Variants in PARPBP observed in about 807,000 individuals in gnomAD.
The protein encoded by PARPBP is PCNA-interacting partner.
In PARPBP, 52 loss-of-function variants were observed where a neutral mutation model predicts 50.0. The ratio of observed to expected loss-of-function variants is 1.04; its 90% CI spans 0.83 to 1.31. PARPBP has a LOEUF of 1.31. PARPBP is among the 50% of genes most tolerant of loss of function. PARPBP has a pLI of 0.00. For missense variants in PARPBP, 697 were observed against 672.0 expected (o/e 1.04, Z -0.41); for synonymous variants, 244 against 232.1 (o/e 1.05, Z -0.47).
chr12:102,178,650 C>T lies in PARPBP; in HGVS notation c.1064C>T (p.Ala355Val). The stretch of plus-strand genomic sequence containing the variant: ...TACTGTGGCAGAGATACTGTGAAAG[C>T]CTTATTAGTTCTTTTGGACGAAGAA... ...TAYCGRDTVK[A>V]LLVLLDEEAA... The change falls in exon 8 of 11, where the codon GCC becomes GTC. Residue 355 changes from alanine to valine, a missense_variant. Physicochemically the swap from Ala to Val is moderately conservative, Grantham distance 64 (BLOSUM62 0). Transcript: ENST00000327680. 6.2e-7 allele frequency: 1 copy of T among 1,613,436 alleles called. No homozygotes were observed. Among genetic ancestry groups the T allele is most frequent in the Non-Finnish European group, 8.5e-7 (1 of 1,179,590 alleles).
Position 102,123,955 on chromosome 12 carries a change from C to T in PARPBP, c.67C>T (p.Leu23Phe). 1.3e-6 allele frequency: 2 copies of T among 1,534,632 alleles called. No individual in the cohort carries two copies. Among genetic ancestry groups the T allele is most frequent in the Non-Finnish European group, 1.7e-6 (2 of 1,145,610 alleles). The stretch of plus-strand genomic sequence containing the variant: ...AGAGTTTCGAAAAAATTGGCGTGCT[C>T]TTTGTAACTCTGAGAGAACTACTCT... The part of the protein sequence containing the change: ...IKEFRKNWRA[L>F]CNSERTTLCG... Residue 23 changes from leucine (L) to phenylalanine (F), a missense_variant, in exon 2 of 11, where the codon CTT (leucine) becomes TTT (phenylalanine). By Grantham distance (22) the Leu-to-Phe change is conservative. Transcript: ENST00000327680.
At chr12:102,161,860 A>G (rs938671092) in intron 4 of PARPBP, among the ~76,000 whole-genome samples, 2 of 152,214 alleles carry the variant, frequency 1.3e-5, no homozygotes, top group Non-Finnish European at 2.9e-5. Flanking sequence ...TCTACTTTAG[A>G]CTGGGGAATC....
At chr12:102,129,855 C>A (rs1243190525) in intron 2 of PARPBP, among the ~76,000 whole-genome samples, 1 of 152,172 alleles carries the variant, frequency 6.6e-6, no homozygotes, top group Non-Finnish European at 1.5e-5. Flanking sequence ...TCCTGTCAAA[C>A]TTCCAGTGAC....
chr12:102,171,467 T>C (rs1474380347), intron 6 of PARPBP, among the ~76,000 whole-genome samples: 1 of 152,152 alleles, frequency 6.6e-6, no homozygotes, highest in African/African-American at 2.4e-5. Flanking sequence ...AATGTTATTA[T>C]ACAGCACATA....
chr12:102,142,253 T>C (rs921336622), intron 2 of PARPBP, among the ~76,000 whole-genome samples: 5 of 152,182 alleles, frequency 3.3e-5, no homozygotes, highest in African/African-American at 1.2e-4. Context: ...CAATCACTGA[T>C]ACCCTTTCTT....
intron 3 of PARPBP, chr12:102,149,117 A>C (rs563905990): frequency 8.9e-4 from 135 of 152,312 alleles, no homozygotes; most frequent in African/African-American, 3.1e-3. Flanking sequence ...ACATTTACTG[A>C]GTGCCAATAA....
At chr12:102,157,392 G>A (rs1051249155) in intron 4 of PARPBP, among the ~76,000 whole-genome samples, 1 of 151,054 alleles carries the variant, frequency 6.6e-6, no homozygotes, top group Non-Finnish European at 1.5e-5. Context: ...TTCTCCATTT[G>A]TCCCCAAAAT....
Position 102,158,120 on chromosome 12 carries a change from C to CAA in PARPBP, c.495+4166_495+4167dup, listed in dbSNP as rs55962862. ...TGGGAGGGAGTGCGAGACTCCATCT[C>CAA]AAAAAAAAAAAAAAAAAAAAAAAGA... On this transcript the variant is annotated intron_variant, in intron 4 of 10. Coordinates refer to ENST00000327680, the MANE Select transcript of PARPBP (RefSeq NM_017915.5). Among the ~76,000 whole-genome samples, 342 of 47,010 alleles carry CAA rather than the reference C, an allele frequency of 7.3e-3. 5 individuals carry two copies. The highest frequency in any genetic ancestry group is 0.015 in the African/African-American group (174 of 11,628). 30.8% of individuals were successfully genotyped at this position (47,010 alleles called of 152,430 possible).
rs1189594958 is a variant in PARPBP at position 102,197,279 on chromosome 12, T to C, written c.*988T>C. 2 of 1,003,348 alleles carry C rather than the reference T, an allele frequency of 2.0e-6. No homozygotes were observed. Among genetic ancestry groups the C allele is most frequent in the African/African-American group, 3.3e-5 (2 of 61,012 alleles). The allele number at this position is 1,003,348 out of a possible 1,614,324, so 62.2% of individuals were successfully genotyped here. A position where few individuals can be genotyped will look rare whatever the true frequency, so the allele number is the denominator to read the frequency against. ...CAATTCAAAGTTACTCTGCACTGTT[T>C]TTGACTTTTTAAAAATACCTTAGAT... On this transcript the variant is annotated 3_prime_UTR_variant, in exon 11 of 11. Coordinates refer to ENST00000327680, the MANE Select transcript of PARPBP (RefSeq NM_017915.5).
intron 6 of PARPBP, among the ~76,000 whole-genome samples, chr12:102,173,329 AT>A (rs1465465869): frequency 6.6e-6 from 1 of 152,250 alleles, no homozygotes; most frequent in Non-Finnish European, 1.5e-5. Flanking sequence ...CTGCTTAAGA[AT>A]AAGACAAGAG....
intron 3 of PARPBP, among the ~76,000 whole-genome samples, chr12:102,150,551 C>T (rs1195833717): frequency 6.6e-6 from 1 of 152,130 alleles, no homozygotes; most frequent in Non-Finnish European, 1.5e-5. Context: ...GTGCCCCTTC[C>T]CTCTTCACTC....
At chr12:102,163,886 A>T (rs1051119076) in intron 4 of PARPBP, among the ~76,000 whole-genome samples, 1 of 152,158 alleles carries the variant, frequency 6.6e-6, no homozygotes, top group East Asian at 1.9e-4. Context: ...ATTCATAATA[A>T]CTGCCTTGAT....
In PARPBP at chr12:102,172,251, A is replaced by G. The variant is rs140189942; in HGVS notation, c.822-3232A>G. Among the ~76,000 whole-genome samples the G allele has an allele frequency of 3.1e-4, 47 of 152,288 alleles. 3 individuals are homozygous for G. The East Asian group carries it at 9.1e-3, about 29-fold the overall frequency. On this transcript the variant is annotated intron_variant, in intron 6 of 10. Coordinates refer to ENST00000327680, the MANE Select transcript of PARPBP (RefSeq NM_017915.5). The stretch of plus-strand genomic sequence containing the variant: ...TCTCCTATTAATGTTTATCCAGAAT[A>G]GCCATAATATATCTTCTGGGAAGCA...
At chr12:102,180,769 T>C (rs2136909799) in intron 8 of PARPBP, among the ~76,000 whole-genome samples, 1 of 152,302 alleles carries the variant, frequency 6.6e-6, no homozygotes. Flanking sequence ...TTGTTCACAG[T>C]TTGGATTCTG....
intron 9 of PARPBP, among the ~76,000 whole-genome samples, chr12:102,192,596 A>T (rs1890893521): frequency 6.6e-6 from 1 of 152,046 alleles, no homozygotes; most frequent in African/African-American, 2.4e-5. Context: ...TCTGTAATTG[A>T]TATTTTTAAA....
At chr12:102,179,308 G>T (rs1413806063) in intron 8 of PARPBP, among the ~76,000 whole-genome samples, 1 of 152,226 alleles carries the variant, frequency 6.6e-6, no homozygotes, top group Non-Finnish European at 1.5e-5. Context: ...GACAGCTCCT[G>T]CTTCTCCCTC....
intron 2 of PARPBP, among the ~76,000 whole-genome samples, chr12:102,127,306 T>C (rs549310787): frequency 1.1e-4 from 16 of 151,496 alleles, no homozygotes; most frequent in Non-Finnish European, 1.9e-4. Flanking sequence ...TGAGGTGAGA[T>C]CACTTGAGTC....
chr12:102,136,619 G>A (rs576125117), intron 2 of PARPBP, among the ~76,000 whole-genome samples: 58 of 152,274 alleles, frequency 3.8e-4, no homozygotes, highest in African/African-American at 1.2e-3. Flanking sequence ...CAGTGTGAAA[G>A]TTCAGACTCT....
At chr12:102,193,293 A>T (rs1394730756) in intron 9 of PARPBP, among the ~76,000 whole-genome samples, 1 of 151,906 alleles carries the variant, frequency 6.6e-6, no homozygotes, top group Non-Finnish European at 1.5e-5. Context: ...GCTAAACATG[A>T]GATTGAAGAA....
Sources: gnomAD v4.1 joint callset for allele counts (sites outside exome capture counted in the v4.1 genomes callset) on GRCh38, gnomAD v4.1.1 for gene constraint, MANE v1.5 for transcripts, NCBI Gene and HGNC (gene_info 2026-07-23, HGNC 2026-07-21) for gene names.